The following TBC1D32 variants were observed in gnomAD, a reference collection of about 807,000 sequenced individuals.
TBC1D32 encodes TBC1 domain family member 32, also known as protein broad-minded.
In TBC1D32, 151 loss-of-function variants were observed where a neutral mutation model predicts 170.3. The ratio of observed to expected loss-of-function variants is 0.89; its 90% confidence interval spans 0.78 to 1.01. The LOEUF is 1.01. Ranked by LOEUF, TBC1D32 falls within the 50% of genes least tolerant of loss-of-function variation. The pLI is 0.00. For synonymous variants in TBC1D32, 498 were observed against 488.0 expected (o/e 1.02, Z -0.27); for missense variants, 1,464 against 1,457.1 (o/e 1.00, Z -0.08).
chr6:121,173,997 AT>A (rs750758762), intron 22 of TBC1D32, among the ~76,000 whole-genome samples: 48 of 152,264 alleles, frequency 3.2e-4, no homozygotes, highest in Non-Finnish European at 5.3e-4. Context: ...TGAACACACA[AT>A]TTTCTATGAA....
intron 22 of TBC1D32, among the ~76,000 whole-genome samples, chr6:121,169,398 T>C (rs936912463): frequency 2.0e-5 from 3 of 152,124 alleles, no homozygotes; most frequent in Non-Finnish European, 2.9e-5. Flanking sequence ...CCCCTCCTTA[T>C]ACCATATACA....
At position 121,283,891 on chromosome 6, in the gene TBC1D32, A is replaced by G. The variant is rs1803403477; in HGVS notation, c.1392T>C (p.Asp464=). Residue 464 remains aspartate (D), a synonymous_variant, in exon 13 of 32, where the codon GAT becomes GAC. Transcript: ENST00000398212. ...KNKKGLVSLI[D]LLVLFTQLIY... ...TAAGTTGGGTAAAAAGAACAAGCAG[A>G]TCTATGAGGGATACCAAACCTTTAA... 6.2e-7 allele frequency: 1 copy of G among 1,609,368 alleles called. No homozygotes were observed.
At chr6:121,098,525 A>C (rs748491022) in intron 30 of TBC1D32, among the ~76,000 whole-genome samples, 4 of 152,022 alleles carry the variant, frequency 2.6e-5, no homozygotes, top group Non-Finnish European at 5.9e-5. Flanking sequence ...TAAATGAAAA[A>C]AGAACCACTC....
intron 15 of TBC1D32, among the ~76,000 whole-genome samples, chr6:121,267,578 T>C (rs1800709005): frequency 6.6e-6 from 1 of 152,168 alleles, no homozygotes; most frequent in Non-Finnish European, 1.5e-5. Flanking sequence ...GAGGGGCATC[T>C]GCCATTGCTG....
intron 24 of TBC1D32, among the ~76,000 whole-genome samples, chr6:121,137,277 G>C (rs57850926): frequency 0.03 from 4,590 of 151,902 alleles, 235 homozygotes; most frequent in African/African-American, 0.1. Flanking sequence ...ATTATTTCTA[G>C]AGACAGAATA....
intron 12 of TBC1D32, among the ~76,000 whole-genome samples, chr6:121,286,783 A>C (rs1450306383): frequency 1.3e-5 from 2 of 152,378 alleles, no homozygotes; most frequent in African/African-American, 2.4e-5. Context: ...AGGGAAGCCC[A>C]TCAGACTAAC....
chr6:121,276,001 T>C (rs1802155968), intron 15 of TBC1D32, among the ~76,000 whole-genome samples: 1 of 150,780 alleles, frequency 6.6e-6, no homozygotes, highest in African/African-American at 2.4e-5. Flanking sequence ...CACCTATAGG[T>C]CCCAGCTACT....
chr6:121,080,363 G>A lies in TBC1D32; in HGVS notation c.*408C>T, dbSNP rs1407518105. 4 of 340,186 alleles carry A rather than the reference G, an allele frequency of 1.2e-5. No individual in the cohort carries two copies. The highest frequency in any genetic ancestry group is 2.2e-5 in the African/African-American group (1 of 45,150). 21.1% of individuals were successfully genotyped at this position (340,186 alleles called of 1,614,324 possible). On this transcript the variant is annotated 3_prime_UTR_variant, in exon 32 of 32. Transcript: ENST00000398212. ...CTCCCAAGTAGCAGGGACTACAGGC[G>A]CATCACTGCACCCAGCTAATTTCAG... is the stretch of plus-strand genomic sequence containing the variant.
chr6:121,088,255 T>C (rs1021258008), intron 31 of TBC1D32, among the ~76,000 whole-genome samples: 1 of 152,164 alleles, frequency 6.6e-6, no homozygotes, highest in Non-Finnish European at 1.5e-5. Context: ...GCACCTGGCC[T>C]ATATAAAGAA....
At chr6:121,322,607 T>C (rs1229217768) in intron 1 of TBC1D32, among the ~76,000 whole-genome samples, 2 of 152,168 alleles carry the variant, frequency 1.3e-5, no homozygotes, top group Non-Finnish European at 2.9e-5. Flanking sequence ...ATGCAAAACA[T>C]TTTCTTGGAT....
At chr6:121,291,424 C>T (rs1804848399) in intron 12 of TBC1D32, among the ~76,000 whole-genome samples, 1 of 151,708 alleles carries the variant, frequency 6.6e-6, no homozygotes, top group Admixed American at 6.6e-5. Flanking sequence ...CTATGTGGTG[C>T]TTTACAAAAA....
chr6:121,207,063 A>G (rs1003375742), intron 21 of TBC1D32, among the ~76,000 whole-genome samples: 10 of 152,164 alleles, frequency 6.6e-5, no homozygotes, highest in African/African-American at 2.2e-4. Flanking sequence ...TTCTACAAAT[A>G]GGTAAATGTT....
Position 121,241,492 on chromosome 6 carries a change from C to T in TBC1D32, c.2218G>A (p.Ala740Thr). 1.2e-6 allele frequency: 2 copies of T among 1,613,410 alleles called. No individual in the cohort carries two copies. Among genetic ancestry groups the T allele is most frequent in the Non-Finnish European group, 1.7e-6 (2 of 1,179,660 alleles). The change falls in exon 19 of 32, where the codon GCA (alanine) becomes ACA (threonine). Residue 740 changes from alanine to threonine, a missense_variant. Physicochemically the swap from Ala to Thr is moderately conservative, Grantham distance 58. Transcript: ENST00000398212. Reference sequence around the variant, plus strand: ...GACTTTTTTAGTGCAATGCCACCTGCTGCTGTTGATGCCACTCGTGTAACC... The same window carrying T: ...GACTTTTTTAGTGCAATGCCACCTGTTGCTGTTGATGCCACTCGTGTAACC... ...VLVTRVASTA[A>T]GGIALKKSGF...
chr6:121,251,396 A>T (rs774917382), intron 17 of TBC1D32, among the ~76,000 whole-genome samples: 2 of 152,138 alleles, frequency 1.3e-5, no homozygotes, highest in African/African-American at 4.8e-5. Flanking sequence ...CTCAGAGATA[A>T]CACCACATAT....
chr6:121,200,574 A>G (rs1439141767), intron 22 of TBC1D32, among the ~76,000 whole-genome samples: 2 of 151,686 alleles, frequency 1.3e-5, no homozygotes, highest in Non-Finnish European at 2.9e-5. Context: ...TGCTAACCAA[A>G]TAACTCAAAA....
At chr6:121,093,949 A>G (rs1327327565) in intron 30 of TBC1D32, among the ~76,000 whole-genome samples, 1 of 152,090 alleles carries the variant, frequency 6.6e-6, no homozygotes, top group Non-Finnish European at 1.5e-5. Flanking sequence ...ATCATTTTTT[A>G]TGTGAACAAA....
intron 15 of TBC1D32, among the ~76,000 whole-genome samples, chr6:121,272,955 T>C (rs889123853): frequency 5.3e-5 from 8 of 152,004 alleles, no homozygotes; most frequent in Non-Finnish European, 1.0e-4. Flanking sequence ...TCATGTCCTT[T>C]GTAGGAACAT....
intron 17 of TBC1D32, among the ~76,000 whole-genome samples, chr6:121,249,448 A>C (rs1798020025): frequency 6.6e-6 from 1 of 151,976 alleles, no homozygotes; most frequent in African/African-American, 2.4e-5. Context: ...TTGACATAGC[A>C]CTAGAAGTTC....
At chr6:121,293,220 G>A (rs1008336891) in intron 11 of TBC1D32, among the ~76,000 whole-genome samples, 43 of 151,952 alleles carry the variant, frequency 2.8e-4, no homozygotes, top group Non-Finnish European at 1.0e-4. Flanking sequence ...AAAGTAATGA[G>A]GGGAAAGGAG....
Sources: gnomAD v4.1 joint callset for allele counts (sites outside exome capture counted in the v4.1 genomes callset) on GRCh38, gnomAD v4.1.1 for gene constraint, MANE v1.5 for transcripts, NCBI Gene and HGNC (gene_info 2026-07-23, HGNC 2026-07-21) for gene names.